ADGRD1: variants seen among roughly 807,000 people sequenced by gnomAD.
The protein encoded by ADGRD1 is G-protein coupled receptor 133.
Under a neutral mutation model 113.4 loss-of-function variants are expected in ADGRD1, and 77 were observed. The ratio of observed to expected loss-of-function variants is 0.68; its 90% CI spans 0.57 to 0.82. The LOEUF (loss-of-function observed/expected upper bound fraction) is 0.82. ADGRD1 is among the 40% of genes least tolerant of loss of function. The probability of loss-of-function intolerance (pLI) is 0.00; values close to 1 mark genes in which losing one functional copy is unlikely to be tolerated. For synonymous variants in ADGRD1, 474 were observed against 475.0 expected (o/e 1.00, Z 0.03); for missense variants, 1,036 against 1,139.1 (o/e 0.91, Z 1.30).
chr12:131,081,662 T>A (rs868126215), intron 14 of ADGRD1, among the ~76,000 whole-genome samples: 3 of 152,152 alleles, frequency 2.0e-5, no homozygotes, highest in African/African-American at 7.2e-5. Flanking sequence ...TAGTATTTTT[T>A]CCCCCGGATA....
At position 131,060,870 on chromosome 12, in the gene ADGRD1, T is replaced by C. The variant is rs1884261445; in HGVS notation, c.1474-15931T>C. The stretch of plus-strand genomic sequence containing the variant: ...ACCCTTGGGCCAAGCTCATGGGCTG[T>C]GGTAATTCTGGCCTCCCAGGGGCTC... On this transcript the variant is annotated intron_variant, in intron 13 of 24. Transcript: ENST00000261654. This position sits in a 1 kb window ranked among gnomAD's most constrained non-coding sequence, Gnocchi z 4.4. Among the ~76,000 whole-genome samples, 2 of 152,092 alleles carry C rather than the reference T, an allele frequency of 1.3e-5. No homozygotes were observed. Among genetic ancestry groups the C allele is most frequent in the South Asian group, 2.1e-4 (1 of 4,816 alleles).
chr12:131,116,493 C>T (rs982299701), intron 18 of ADGRD1, among the ~76,000 whole-genome samples: 1 of 152,246 alleles, frequency 6.6e-6, no homozygotes, highest in South Asian at 2.1e-4. Context: ...AGGGCAGGCA[C>T]GGCGTGTACT....
intron 15 of ADGRD1, among the ~76,000 whole-genome samples, chr12:131,091,344 TAAC>T (rs953181102): frequency 1.5e-4 from 23 of 152,254 alleles, no homozygotes; most frequent in African/African-American, 4.8e-4. Flanking sequence ...ATAGTAGAAA[TAAC>T]AGAAGCATGA....
chr12:131,078,989 G>A (rs932183279), intron 14 of ADGRD1, among the ~76,000 whole-genome samples: 8 of 152,078 alleles, frequency 5.3e-5, no homozygotes, highest in African/African-American at 1.7e-4. Context: ...AGATGCCCCC[G>A]TGTCTGTTTG....
rs770263830 is a variant in ADGRD1 at position 131,075,007 on chromosome 12, C to T, written c.1474-1794C>T. Among the ~76,000 whole-genome samples the T allele has an allele frequency of 1.8e-4, 27 of 152,314 alleles. No individual in the cohort carries two copies. The highest frequency in any genetic ancestry group is 2.6e-4 in the Admixed American group (4 of 15,308). On this transcript the variant is annotated intron_variant, in intron 13 of 24. Coordinates refer to ENST00000261654, the MANE Select transcript of ADGRD1 (RefSeq NM_198827.5). This position sits in a 1 kb window ranked among gnomAD's most constrained non-coding sequence, Gnocchi z 5.3. Reference sequence around the variant, plus strand: ...GCTCCCTTGGGACTGCGCTTCCACACGTGGGGCAGAGGCGGGGGCTGGCAC... The same window carrying T: ...GCTCCCTTGGGACTGCGCTTCCACATGTGGGGCAGAGGCGGGGGCTGGCAC...
chr12:131,111,142 G>T (rs1238694501), intron 18 of ADGRD1, among the ~76,000 whole-genome samples: 1 of 151,784 alleles, frequency 6.6e-6, no homozygotes, highest in East Asian at 1.9e-4. Context: ...ACCCAGGCTG[G>T]AGTGCAGTGG....
At chr12:130,999,988 C>A (rs911424269) in intron 8 of ADGRD1, among the ~76,000 whole-genome samples, 7 of 152,152 alleles carry the variant, frequency 4.6e-5, no homozygotes, top group Non-Finnish European at 8.8e-5. Flanking sequence ...CGAGTGCTTC[C>A]ACGTCAGTTT....
intron 19 of ADGRD1, among the ~76,000 whole-genome samples, chr12:131,119,994 T>C (rs1182149219): frequency 6.6e-6 from 1 of 152,062 alleles, no homozygotes; most frequent in Non-Finnish European, 1.5e-5. Context: ...ATCTGCAGGA[T>C]TGGAGTGATC....
intron 4 of ADGRD1, among the ~76,000 whole-genome samples, chr12:130,972,441 A>C (rs1440466593): frequency 1.3e-5 from 2 of 152,184 alleles, no homozygotes; most frequent in African/African-American, 4.8e-5. Flanking sequence ...CAGTAAAAAT[A>C]AACAACAGCT....
At chr12:130,955,381 A>C (rs1267305380) in intron 2 of ADGRD1, among the ~76,000 whole-genome samples, 1 of 151,804 alleles carries the variant, frequency 6.6e-6, no homozygotes, top group Non-Finnish European at 1.5e-5. Flanking sequence ...GATGAGTGGG[A>C]CTCGGGATAG....
At chr12:130,992,599 T>C (rs1874571173) in intron 8 of ADGRD1, 2 of 470,884 alleles carry the variant, frequency 4.2e-6, no homozygotes, top group South Asian at 4.1e-5. Flanking sequence ...TTATGGGCAC[T>C]TGAGTCTTTG....
intron 8 of ADGRD1, among the ~76,000 whole-genome samples, chr12:130,996,840 C>T: frequency 8.4e-6 from 1 of 119,626 alleles, no homozygotes; most frequent in East Asian, 2.6e-4. Flanking sequence ...GGGGCTGACC[C>T]CCCCACCTCC....
chr12:131,092,363 C>A (rs1193560357), intron 15 of ADGRD1, among the ~76,000 whole-genome samples: 1 of 152,178 alleles, frequency 6.6e-6, no homozygotes, highest in Non-Finnish European at 1.5e-5. Flanking sequence ...CTACTCCTGG[C>A]GCTTGTGTTC....
rs1302365675 is a variant in ADGRD1, at chr12:130,985,551, T to A, written c.491-1544T>A. On this transcript the variant is annotated intron_variant, in intron 5 of 24. Coordinates refer to ENST00000261654, the MANE Select transcript of ADGRD1 (RefSeq NM_198827.5). ...TAATTTTTATGACAGGTTTAAGATT[T>A]TTTTTTTGTTTTTTTTGAGATGGAG... 5.7e-5 allele frequency among the ~76,000 whole-genome samples: 3 copies of A among 52,366 alleles called. No individual in the cohort carries two copies. The East Asian group carries it at 5.2e-3, about 92-fold the overall frequency. 34.4% of individuals were successfully genotyped at this position (52,366 alleles called of 152,430 possible). A position where few individuals can be genotyped will look rare whatever the true frequency, so the allele number is the denominator to read the frequency against.
chr12:130,967,736 TGAG>T (rs984026340), intron 3 of ADGRD1: 1 of 152,310 alleles, frequency 6.6e-6, no homozygotes, highest in Non-Finnish European at 1.5e-5. Flanking sequence ...GGGGCGCCGT[TGAG>T]GAGCACGCGC....
At chr12:131,139,029 G>T in intron 24 of ADGRD1, 139 bp from the exon 25 acceptor site, 1 of 631,524 alleles carries the variant, frequency 1.6e-6, no homozygotes, top group Non-Finnish European at 2.8e-6. Context: ...GAGCATGGGG[G>T]CTCCCTTCTC....
chr12:131,136,905 G>A, intron 22 of ADGRD1, 68 bp from the exon 23 acceptor site: 1 of 1,282,666 alleles, frequency 7.8e-7, no homozygotes, highest in Non-Finnish European at 1.1e-6. Flanking sequence ...CTGCATGGGA[G>A]GAACCTCCAG....
chr12:131,002,743 A>G, intron 9 of ADGRD1: 1 of 1,258,268 alleles, frequency 7.9e-7, no homozygotes, highest in South Asian at 1.3e-5. Context: ...CCTCGGAAGC[A>G]GCCACCCTTC....
Position 131,113,073 on chromosome 12 carries a change from T to A in ADGRD1, c.2041+4196T>A, listed in dbSNP as rs540244953. ...GGGAGCTGGAGGGAGTGGAGCCCTG[T>A]CTTCTTGCCCACACCTACTTGGAGC... is the stretch of plus-strand genomic sequence containing the variant. On this transcript the variant is annotated intron_variant, in intron 18 of 24. Transcript: ENST00000261654. The surrounding 1 kb of genome is among the most constrained non-coding windows in gnomAD (Gnocchi z 4.9). Among the ~76,000 whole-genome samples the A allele has an allele frequency of 6.6e-6, 1 of 152,304 alleles. No homozygotes were observed. The highest frequency in any genetic ancestry group is 2.1e-4 in the South Asian group (1 of 4,824).
Sources: allele counts gnomAD v4.1 joint callset (sites outside exome capture counted in the v4.1 genomes callset), GRCh38; gene constraint gnomAD v4.1.1; non-coding constraint Gnocchi (gnomAD v3.1); transcripts MANE v1.5; gene names NCBI Gene and HGNC (gene_info 2026-07-23, HGNC 2026-07-21).